HNF4G: variants seen among roughly 807,000 people sequenced by gnomAD.
The protein encoded by HNF4G is hepatocyte nuclear factor 4 gamma, also known as hepatocyte nuclear factor 4-gamma.
Under a neutral mutation model 50.9 loss-of-function variants are expected in HNF4G, and 21 were observed. The ratio of observed to expected loss-of-function variants is 0.41; its 90% CI spans 0.29 to 0.59. HNF4G has a LOEUF of 0.59. Among genes scored for constraint, HNF4G ranks in the 20% least tolerant of loss-of-function variants. The pLI, the probability that HNF4G is intolerant of heterozygous loss-of-function variation, is 0.26. For synonymous variants in HNF4G, 198 were observed against 185.6 expected (o/e 1.07, Z -0.54); for missense variants, 527 against 559.4 (o/e 0.94, Z 0.58).
At chr8:75,438,889 T>C (rs1460116502) in intron 1 of HNF4G, among the ~76,000 whole-genome samples, 3 of 152,058 alleles carry the variant, frequency 2.0e-5, no homozygotes, top group African/African-American at 4.8e-5. Context: ...TAAATATATA[T>C]GCTTTTCTTT....
intron 1 of HNF4G, among the ~76,000 whole-genome samples, chr8:75,409,250 A>G (rs1033401982): frequency 4.6e-5 from 7 of 151,780 alleles, no homozygotes; most frequent in Non-Finnish European, 2.9e-5. Context: ...TTGTCTTCCC[A>G]TTTCTCCTAA....
chr8:75,414,621 A>C (rs1585821158), intron 1 of HNF4G, among the ~76,000 whole-genome samples: 1 of 152,106 alleles, frequency 6.6e-6, no homozygotes. Flanking sequence ...CATTTTCTAG[A>C]ATTTTATATC....
chr8:75,542,536 A>G (rs1358641761), intron 1 of HNF4G, among the ~76,000 whole-genome samples: 6 of 59,058 alleles, frequency 1.0e-4, no homozygotes, highest in East Asian at 2.4e-4. Context: ...AATGACGACG[A>G]AAAAAAAAAA....
intron 1 of HNF4G, among the ~76,000 whole-genome samples, chr8:75,541,331 G>A (rs1031995848): frequency 6.6e-6 from 1 of 152,062 alleles, no homozygotes; most frequent in African/African-American, 2.4e-5. Flanking sequence ...TGTAAGTATG[G>A]CACTAAACTT....
intron 1 of HNF4G, among the ~76,000 whole-genome samples, chr8:75,448,200 G>A (rs971938218): frequency 1.7e-4 from 23 of 137,596 alleles, no homozygotes; most frequent in Non-Finnish European, 3.2e-4. Flanking sequence ...ACCAAACACC[G>A]TATATTCTCA....
chr8:75,425,383 C>T (rs1316270688), intron 1 of HNF4G, among the ~76,000 whole-genome samples: 1 of 151,526 alleles, frequency 6.6e-6, no homozygotes, highest in African/African-American at 2.4e-5. Context: ...CGCGCCCAGC[C>T]CAATGCAGCT....
At chr8:75,438,117 T>C (rs1055561804) in intron 1 of HNF4G, among the ~76,000 whole-genome samples, 2 of 152,194 alleles carry the variant, frequency 1.3e-5, no homozygotes, top group African/African-American at 4.8e-5. Context: ...CATATTTTGT[T>C]ACACTAAATC....
At chr8:75,455,666 TCCA>T (rs980564881) in intron 1 of HNF4G, among the ~76,000 whole-genome samples, 5 of 152,172 alleles carry the variant, frequency 3.3e-5, no homozygotes, top group Non-Finnish European at 7.4e-5. Flanking sequence ...TTGCAGACAC[TCCA>T]TAATATCATT....
intron 1 of HNF4G, among the ~76,000 whole-genome samples, chr8:75,472,030 G>C (rs1425784697): frequency 6.6e-6 from 1 of 152,148 alleles, no homozygotes; most frequent in Non-Finnish European, 1.5e-5. Flanking sequence ...GCTGCTGAAA[G>C]ATAAGGTGAC....
intron 1 of HNF4G, among the ~76,000 whole-genome samples, chr8:75,415,783 G>C (rs889308685): frequency 6.6e-6 from 1 of 151,952 alleles, no homozygotes; most frequent in Non-Finnish European, 1.5e-5. Flanking sequence ...GTGTGTTGGG[G>C]GGTGGGGGGC....
intron 1 of HNF4G, among the ~76,000 whole-genome samples, chr8:75,462,853 T>C (rs945215140): frequency 5.9e-5 from 9 of 152,150 alleles, no homozygotes; most frequent in African/African-American, 1.4e-4. Context: ...CCTTCATTTT[T>C]AGAAAATAAC....
At chr8:75,503,254 A>G (rs1380692) in intron 2 of HNF4G, among the ~76,000 whole-genome samples, 42,649 of 152,046 alleles carry the variant, frequency 0.28, 7,454 homozygotes, top group African/African-American at 0.5. Context: ...GGCAATTACT[A>G]AATGCTCTAA....
chr8:75,517,916 C>G (rs1448207131), intron 2 of HNF4G, among the ~76,000 whole-genome samples: 1 of 152,102 alleles, frequency 6.6e-6, no homozygotes, highest in African/African-American at 2.4e-5. Flanking sequence ...CACCATACCT[C>G]TGCCTGGACA....
chr8:75,427,642 A>G (rs893560933), intron 1 of HNF4G, among the ~76,000 whole-genome samples: 1 of 151,928 alleles, frequency 6.6e-6, no homozygotes, highest in Admixed American at 6.6e-5. Context: ...TACTTTACAG[A>G]TAGCGAATGC....
At chr8:75,488,574 G>A (rs897943105) in intron 1 of HNF4G, among the ~76,000 whole-genome samples, 5 of 151,998 alleles carry the variant, frequency 3.3e-5, no homozygotes, top group Admixed American at 6.6e-5. Flanking sequence ...CACTATGCCC[G>A]GCCTCATTGG....
chr8:75,531,762 A>T (rs1233026481), intron 2 of HNF4G, among the ~76,000 whole-genome samples: 1 of 152,102 alleles, frequency 6.6e-6, no homozygotes, highest in Non-Finnish European at 1.5e-5. Context: ...AATTTGAAGT[A>T]TACAAAAGGA....
At chr8:75,548,814 AG>A (rs1806863311) in intron 3 of HNF4G, among the ~76,000 whole-genome samples, 1 of 152,242 alleles carries the variant, frequency 6.6e-6, no homozygotes, top group African/African-American at 2.4e-5. Context: ...TAACATAGTT[AG>A]ATTTTTCTTT....
chr8:75,515,195 T>C (rs754816955), intron 2 of HNF4G, among the ~76,000 whole-genome samples: 2 of 152,232 alleles, frequency 1.3e-5, no homozygotes, highest in African/African-American at 2.4e-5. Context: ...GTACAATTTA[T>C]AAGCTGTTTG....
At chr8:75,489,941 T>C (rs7846254) in intron 1 of HNF4G, 34,629 of 152,144 alleles carry the variant, frequency 0.23, 5,155 homozygotes, top group African/African-American at 0.42. Context: ...CAAAATCACA[T>C]TGTTATTATG....
Sources: gnomAD v4.1 joint callset for allele counts (sites outside exome capture counted in the v4.1 genomes callset) on GRCh38, gnomAD v4.1.1 for gene constraint, MANE v1.5 for transcripts, NCBI Gene and HGNC (gene_info 2026-07-23, HGNC 2026-07-21) for gene names.